The following BMPR1B variants were observed in gnomAD, a reference collection of about 807,000 sequenced individuals.
BMPR1B encodes bone morphogenetic protein receptor type-1B.
BMPR1B carries 12 observed loss-of-function variants against 59.1 expected under a neutral mutation model. The ratio of observed to expected loss-of-function variants is 0.20; its 90% CI spans 0.13 to 0.33. The LOEUF (loss-of-function observed/expected upper bound fraction) is 0.33. BMPR1B is among the 10% of genes least tolerant of loss of function. BMPR1B has a pLI of 1.00. For synonymous variants in BMPR1B, 237 were observed against 207.3 expected (o/e 1.14, Z -1.23); for missense variants, 550 against 610.9 (o/e 0.90, Z 1.05).
chr4:94,817,112 A>G (rs1724041088), intron 1 of BMPR1B, among the ~76,000 whole-genome samples: 1 of 152,202 alleles, frequency 6.6e-6, no homozygotes. Flanking sequence ...ACAAGGCTCC[A>G]TCTTGAAGCC....
intron 1 of BMPR1B, among the ~76,000 whole-genome samples, chr4:94,845,366 G>T (rs1452887378): frequency 6.8e-6 from 1 of 146,802 alleles, no homozygotes; most frequent in African/African-American, 2.5e-5. Flanking sequence ...TTTTTAAGAT[G>T]GAGTCTCACT....
chr4:94,985,759 T>C (rs537403313), intron 2 of BMPR1B, among the ~76,000 whole-genome samples: 109 of 152,286 alleles, frequency 7.2e-4, no homozygotes, highest in African/African-American at 2.5e-3. Context: ...TTTCGAACAT[T>C]CACACACTGG....
At chr4:95,007,742 G>C (rs1384189740) in intron 3 of BMPR1B, among the ~76,000 whole-genome samples, 1 of 152,148 alleles carries the variant, frequency 6.6e-6, no homozygotes, top group Non-Finnish European at 1.5e-5. Flanking sequence ...GCAGATCCCA[G>C]AGTGAAAAGC....
intron 2 of BMPR1B, among the ~76,000 whole-genome samples, chr4:94,953,151 T>G (rs1285914402): frequency 1.3e-5 from 2 of 152,180 alleles, no homozygotes; most frequent in Non-Finnish European, 2.9e-5. Context: ...AGCCTATGTG[T>G]GTCTCTGCAC....
At chr4:94,772,250 C>G (rs1465299040) in intron 1 of BMPR1B, among the ~76,000 whole-genome samples, 1 of 152,192 alleles carries the variant, frequency 6.6e-6, no homozygotes, top group Non-Finnish European at 1.5e-5. Flanking sequence ...TCTTCACACA[C>G]TTTTTCCAGA....
Position 94,924,652 on chromosome 4 carries a change from A to G in BMPR1B, c.-113+48752A>G, listed in dbSNP as rs910539465. Among the ~76,000 whole-genome samples the G allele has an allele frequency of 2.6e-5, 4 of 152,066 alleles. No homozygotes were observed. The South Asian group carries it at 8.3e-4, about 31-fold the overall frequency. On this transcript the variant is annotated intron_variant, in intron 2 of 12. Coordinates refer to ENST00000515059, the MANE Select transcript of BMPR1B (RefSeq NM_001203.3). The stretch of plus-strand genomic sequence containing the variant: ...ATGGTTTCCTTCTGAGTATTCATAA[A>G]TTTTCAGGGAAGCTGACTTCACATC...
In BMPR1B at chr4:94,784,342, T is replaced by C. The variant is rs185599005; in HGVS notation, c.-183+26274T>C. Among the ~76,000 whole-genome samples the C allele has an allele frequency of 3.9e-3, 594 of 152,238 alleles. 2 individuals carry two copies. The highest frequency in any genetic ancestry group is 5.3e-3 in the Non-Finnish European group (362 of 67,992). ...GTTTTTTGGATGAACTTGTATAATA[T>C]TAGGTTTTGTTCCTTGAAAGTTTGA... On this transcript the variant is annotated intron_variant, in intron 1 of 12. Coordinates refer to ENST00000515059, the MANE Select transcript of BMPR1B (RefSeq NM_001203.3).
At chr4:94,877,536 C>T (rs1726778849) in intron 2 of BMPR1B, among the ~76,000 whole-genome samples, 3 of 152,174 alleles carry the variant, frequency 2.0e-5, no homozygotes, top group Non-Finnish European at 2.9e-5. Flanking sequence ...AGAGAACGAG[C>T]GGGTGCCTAT....
chr4:94,844,408 G>A lies in BMPR1B; in HGVS notation c.-182-31423G>A, dbSNP rs557164045. On this transcript the variant is annotated intron_variant, in intron 1 of 12. Transcript: ENST00000515059. ...GCTCAAAGGAAGAGTTAAACAATGAGGCCTTAGGATTAGAGCCAGTTGCCT... is the reference window on the plus strand; with the variant it reads ...GCTCAAAGGAAGAGTTAAACAATGAAGCCTTAGGATTAGAGCCAGTTGCCT... 4.1e-4 allele frequency among the ~76,000 whole-genome samples: 63 copies of A among 152,222 alleles called. 1 individual carries two copies. In the South Asian group the frequency reaches 0.013, roughly 31 times the overall value.
rs190427717 is a variant in BMPR1B at position 94,922,405 on chromosome 4, A to G, written c.-113+46505A>G. Reference sequence around the variant, plus strand: ...CTATTGTGCTGTCAACACAATAGCAATGTTTAATGGATAAAGCAAACCACA... The same window carrying G: ...CTATTGTGCTGTCAACACAATAGCAGTGTTTAATGGATAAAGCAAACCACA... On this transcript the variant is annotated intron_variant, in intron 2 of 12. Transcript: ENST00000515059. Among the ~76,000 whole-genome samples the G allele has an allele frequency of 2.6e-3, 397 of 152,286 alleles. 1 individual carries two copies. The highest frequency in any genetic ancestry group is 8.8e-3 in the African/African-American group (367 of 41,560).
chr4:95,031,743 C>A (rs922070901), intron 3 of BMPR1B, among the ~76,000 whole-genome samples: 1 of 152,038 alleles, frequency 6.6e-6, no homozygotes, highest in African/African-American at 2.4e-5. Flanking sequence ...CCAGGTTGAA[C>A]AAAGGGGTTT....
Position 95,112,176 on chromosome 4 carries a change from C to A in BMPR1B, c.144-2544C>A, listed in dbSNP as rs1021954168. On this transcript the variant is annotated intron_variant, in intron 4 of 12. Transcript: ENST00000515059. ...ATTCATCCTATGTTCATGTATATAT[C>A]TCACTTATTTTCAATTTTGTTTAAA... Among the ~76,000 whole-genome samples, 6 of 152,182 alleles carry A rather than the reference C, an allele frequency of 3.9e-5. No homozygotes were observed. In the South Asian group the frequency reaches 1.2e-3, roughly 32 times the overall value.
chr4:94,814,816 A>G (rs542469430), intron 1 of BMPR1B, among the ~76,000 whole-genome samples: 1 of 152,336 alleles, frequency 6.6e-6, no homozygotes, highest in Non-Finnish European at 1.5e-5. Flanking sequence ...ACCACACAAA[A>G]TAACAGGATT....
At chr4:94,985,693 G>A (rs1721363669) in intron 2 of BMPR1B, among the ~76,000 whole-genome samples, 1 of 152,062 alleles carries the variant, frequency 6.6e-6, no homozygotes, top group Admixed American at 6.6e-5. Context: ...AGATATAGTA[G>A]TAAGGGCCCA....
intron 4 of BMPR1B, among the ~76,000 whole-genome samples, chr4:95,114,006 AC>A (rs1451729580): frequency 2.6e-5 from 4 of 152,050 alleles, no homozygotes; most frequent in Non-Finnish European, 5.9e-5. Context: ...CTTATCAAGA[AC>A]CCTTCTTTCT....
intron 1 of BMPR1B, among the ~76,000 whole-genome samples, chr4:94,803,646 G>T (rs1333953525): frequency 6.6e-6 from 1 of 152,138 alleles, no homozygotes; most frequent in Non-Finnish European, 1.5e-5. Flanking sequence ...AGAGGATAAA[G>T]GGGTAAAAGT....
Position 94,855,868 on chromosome 4 carries a change from G to A in BMPR1B, c.-182-19963G>A, listed in dbSNP as rs115841866. Among the ~76,000 whole-genome samples, 1,024 of 152,306 alleles carry A rather than the reference G, an allele frequency of 6.7e-3. 11 individuals are homozygous for A. Among genetic ancestry groups the A allele is most frequent in the Non-Finnish European group, 9.3e-3 (631 of 68,030 alleles). On this transcript the variant is annotated intron_variant, in intron 1 of 12. Coordinates refer to ENST00000515059, the MANE Select transcript of BMPR1B (RefSeq NM_001203.3). ...TTTAAATTTTAGAGAGGTCTGAATT[G>A]ATTATTTAAATCTCAGTAATTTATT...
intron 2 of BMPR1B, among the ~76,000 whole-genome samples, chr4:94,920,441 TG>T (rs1192611230): frequency 2.6e-5 from 4 of 152,192 alleles, no homozygotes; most frequent in African/African-American, 9.7e-5. Flanking sequence ...AAGAGTTTTA[TG>T]GGGGCTCCCC....
Position 94,902,079 on chromosome 4 carries a change from GT to G in BMPR1B, c.-113+26180del, listed in dbSNP as rs1560538947. 6.1e-3 allele frequency among the ~76,000 whole-genome samples: 835 copies of G among 137,424 alleles called. 3 individuals carry two copies. The highest frequency in any genetic ancestry group is 0.021 in the South Asian group (96 of 4,558). 90.2% of individuals were successfully genotyped at this position (137,424 alleles called of 152,430 possible). A position where few individuals can be genotyped will look rare whatever the true frequency, so the allele number is the denominator to read the frequency against. Reference sequence around the variant, plus strand: ...TGTGTGTGTGTGTGTGTGTGTGTGTGTGTGTGTGGGGTGTATTTAAAGGAAA... The same window carrying G: ...TGTGTGTGTGTGTGTGTGTGTGTGTGGTGTGTGGGGTGTATTTAAAGGAAA... On this transcript the variant is annotated intron_variant, in intron 2 of 12. Transcript: ENST00000515059.
Sources: allele counts gnomAD v4.1 joint callset (sites outside exome capture counted in the v4.1 genomes callset), GRCh38; gene constraint gnomAD v4.1.1; transcripts MANE v1.5; gene names NCBI Gene and HGNC (gene_info 2026-07-23, HGNC 2026-07-21).